NRCAM: variants seen among roughly 807,000 people sequenced by gnomAD.
NRCAM encodes the protein NgCAM-related cell adhesion molecule.
In NRCAM, 83 loss-of-function variants were observed where a neutral mutation model predicts 156.5. The observed-to-expected ratio is 0.53, with a 90% confidence interval of 0.44 to 0.64. The LOEUF (loss-of-function observed/expected upper bound fraction) is 0.64, where lower values mean the gene tolerates loss of function less well. NRCAM is among the 30% of genes least tolerant of loss of function. The probability of loss-of-function intolerance (pLI) is 0.00; values close to 1 mark genes in which losing one functional copy is unlikely to be tolerated. For synonymous variants in NRCAM, 538 were observed against 563.9 expected (o/e 0.95, Z 0.65); for missense variants, 1,417 against 1,597.3 (o/e 0.89, Z 1.92).
intron 1 of NRCAM, among the ~76,000 whole-genome samples, chr7:108,412,261 A>T (rs1388411259): frequency 6.6e-6 from 1 of 151,040 alleles, no homozygotes; most frequent in Admixed American, 6.6e-5. Flanking sequence ...AATTTTACAA[A>T]AAAAAAAACC....
At chr7:108,186,121 T>C (rs1233102471) in intron 20 of NRCAM, among the ~76,000 whole-genome samples, 2 of 152,244 alleles carry the variant, frequency 1.3e-5, no homozygotes, top group Non-Finnish European at 2.9e-5. Flanking sequence ...CCAGGTACCA[T>C]GATATGCACT....
chr7:108,372,867 G>A (rs2099637938), intron 2 of NRCAM, among the ~76,000 whole-genome samples: 1 of 152,078 alleles, frequency 6.6e-6, no homozygotes, highest in Non-Finnish European at 1.5e-5. Context: ...CAGAAGAATT[G>A]AAATCAACAT....
At chr7:108,367,554 G>A (rs112004694) in intron 2 of NRCAM, among the ~76,000 whole-genome samples, 4 of 152,216 alleles carry the variant, frequency 2.6e-5, no homozygotes, top group African/African-American at 9.6e-5. Context: ...GTAGGAGTTT[G>A]GGGCAGCTAT....
At chr7:108,275,458 G>A (rs2097558578) in intron 3 of NRCAM, among the ~76,000 whole-genome samples, 1 of 152,180 alleles carries the variant, frequency 6.6e-6, no homozygotes, top group Admixed American at 6.5e-5. Flanking sequence ...TCCTGGTTTA[G>A]TCTTCAAAGA....
chr7:108,331,591 A>G (rs181096836), intron 2 of NRCAM, among the ~76,000 whole-genome samples: 4 of 152,304 alleles, frequency 2.6e-5, no homozygotes, highest in African/African-American at 9.6e-5. Flanking sequence ...GGATTAAATG[A>G]ATTAATATTC....
intron 13 of NRCAM, among the ~76,000 whole-genome samples, chr7:108,199,710 G>A (rs559985469): frequency 1.3e-5 from 2 of 152,198 alleles, no homozygotes; most frequent in Non-Finnish European, 2.9e-5. Context: ...TAATTAAATT[G>A]GGCCCAAATT....
chr7:108,305,603 C>A (rs772451159), intron 3 of NRCAM, among the ~76,000 whole-genome samples: 38 of 152,184 alleles, frequency 2.5e-4, no homozygotes, highest in Non-Finnish European at 1.5e-4. Context: ...ACCTGTTCCT[C>A]CTATGGCCTT....
intron 20 of NRCAM, 138 bp downstream of exon 20, chr7:108,189,507 A>T (rs1016633540): frequency 1.6e-6 from 1 of 606,380 alleles, no homozygotes; most frequent in Non-Finnish European, 2.9e-6. Flanking sequence ...AAGGACATAA[A>T]TAAATATTTT....
At chr7:108,372,374 C>A (rs71568518) in intron 2 of NRCAM, among the ~76,000 whole-genome samples, 32 of 55,376 alleles carry the variant, frequency 5.8e-4, no homozygotes, top group African/African-American at 2.7e-3. Context: ...ACAACAACAA[C>A]AAAAAATCTG....
chr7:108,407,468 T>C (rs2099810355), intron 1 of NRCAM, among the ~76,000 whole-genome samples: 1 of 152,220 alleles, frequency 6.6e-6, no homozygotes, highest in South Asian at 2.1e-4. Flanking sequence ...TGAAGTTCCA[T>C]TTCTCTCATC....
chr7:108,338,043 GT>G (rs1422953046), intron 2 of NRCAM, among the ~76,000 whole-genome samples: 2 of 152,056 alleles, frequency 1.3e-5, no homozygotes, highest in Non-Finnish European at 2.9e-5. Context: ...ACCCTTCTGG[GT>G]TGGGAATGTT....
At chr7:108,280,432 G>A (rs529512668) in intron 3 of NRCAM, among the ~76,000 whole-genome samples, 1 of 152,320 alleles carries the variant, frequency 6.6e-6, no homozygotes, top group Admixed American at 6.5e-5. Flanking sequence ...CCAGCAGTCA[G>A]CCCATGCTAT....
chr7:108,150,567 A>G, intron 32 of NRCAM: 1 of 444,156 alleles, frequency 2.3e-6, no homozygotes, highest in Non-Finnish European at 4.5e-6. Context: ...CTTGGTTGTG[A>G]ATGGAGCATG....
At chr7:108,336,825 C>T (rs1236375826) in intron 2 of NRCAM, among the ~76,000 whole-genome samples, 1 of 151,982 alleles carries the variant, frequency 6.6e-6, no homozygotes, top group Non-Finnish European at 1.5e-5. Flanking sequence ...TAAATAACTA[C>T]AGTTAAATAG....
At chr7:108,175,399 A>G in intron 27 of NRCAM, 42 bp from the exon 28 acceptor site, 1 of 1,504,724 alleles carries the variant, frequency 6.6e-7, no homozygotes, top group Non-Finnish European at 9.0e-7. Context: ...ATATAGTTAG[A>G]TGTAACACAC....
chr7:108,276,014 G>A lies in NRCAM; in HGVS notation c.-106-35844C>T, dbSNP rs59986086. ...TTACCCAGTAGTCATTCAGGTGCAG[G>A]TTGTTCAGTTTCCATGTAGTTGTGC... On this transcript the variant is annotated intron_variant, in intron 3 of 32. Coordinates refer to ENST00000379028, the MANE Select transcript of NRCAM (RefSeq NM_001037132.4). Among the ~76,000 whole-genome samples the A allele has an allele frequency of 4.2e-3, 633 of 152,252 alleles. 8 individuals carry two copies. The highest frequency in any genetic ancestry group is 0.013 in the African/African-American group (557 of 41,538).
At position 108,226,357 on chromosome 7, in the gene NRCAM, C is replaced by A; in HGVS notation, c.572G>T (p.Ser191Ile). 4 of 1,612,786 alleles carry A rather than the reference C, an allele frequency of 2.5e-6. No individual in the cohort carries two copies. Among genetic ancestry groups the A allele is most frequent in the Non-Finnish European group, 3.4e-6 (4 of 1,179,326 alleles). The stretch of plus-strand genomic sequence containing the variant: ...ATTCAAACCTTGAGAAACTCTCTCA[C>A]TTTGTGGAAGTCTTTGAAAGGCTGG... ...MDNSFQRLPQ[S>I]ERVSQGLNGD... Residue 191 changes from serine to isoleucine, a missense_variant, in exon 9 of 33, where the codon AGT becomes ATT. Ser to Ile is a moderately radical substitution (Grantham distance 142). This residue lies in a region of NRCAM where 1,238 missense variants were observed against 1,336.4 expected (regional missense o/e 0.93). Coordinates refer to ENST00000379028, the MANE Select transcript of NRCAM (RefSeq NM_001037132.4).
chr7:108,228,875 T>C (rs1035612630), intron 8 of NRCAM, among the ~76,000 whole-genome samples: 3 of 152,258 alleles, frequency 2.0e-5, no homozygotes, highest in Non-Finnish European at 2.9e-5. Context: ...CTTAGCTATA[T>C]ATTTGTTTTT....
chr7:108,374,083 A>G (rs773881081), intron 2 of NRCAM, among the ~76,000 whole-genome samples: 6 of 152,124 alleles, frequency 3.9e-5, no homozygotes, highest in Non-Finnish European at 7.4e-5. Flanking sequence ...TTTGCCATGC[A>G]TATTAGAGAA....
Sources: gnomAD v4.1 joint callset for allele counts (sites outside exome capture counted in the v4.1 genomes callset) on GRCh38, gnomAD v4.1.1 for gene constraint, gnomAD v4.1.1 regional missense constraint, MANE v1.5 for transcripts, NCBI Gene and HGNC (gene_info 2026-07-23, HGNC 2026-07-21) for gene names.